The following ACOT11 variants were observed in gnomAD, a reference collection of about 807,000 sequenced individuals.
ACOT11 encodes the protein acyl-CoA thioesterase 11.
ACOT11 carries 69 observed loss-of-function variants against 77.5 expected under a neutral mutation model. The ratio of observed to expected loss-of-function variants is 0.89; its 90% CI spans 0.73 to 1.09. The LOEUF is 1.09. ACOT11 is among the 50% of genes least tolerant of loss of function. The pLI, the probability that ACOT11 is intolerant of heterozygous loss-of-function variation, is 0.00. For synonymous variants in ACOT11, 279 were observed against 313.0 expected, an observed-to-expected ratio of 0.89 and a Z score of 1.15; for missense variants, 766 against 813.7, an observed-to-expected ratio of 0.94 and a Z score of 0.71.
intron 15 of ACOT11, among the ~76,000 whole-genome samples, chr1:54,618,169 C>T (rs1249344077): frequency 6.6e-6 from 1 of 152,136 alleles, no homozygotes; most frequent in Non-Finnish European, 1.5e-5. Context: ...CTCAACTTTA[C>T]TATGGCACCT....
chr1:54,579,819 G>T lies in ACOT11; in HGVS notation c.34-4836G>T, dbSNP rs116743774. Among the ~76,000 whole-genome samples the T allele has an allele frequency of 2.6e-3, 398 of 152,302 alleles. 1 individual carries two copies. Among genetic ancestry groups the T allele is most frequent in the African/African-American group, 9.0e-3 (375 of 41,576 alleles). Reference sequence around the variant, plus strand: ...CCTGCTCCATAATCACTGGCTTTTTGAATTCTCACAGAACCTCTCAAACAA... The same window carrying T: ...CCTGCTCCATAATCACTGGCTTTTTTAATTCTCACAGAACCTCTCAAACAA... On this transcript the variant is annotated intron_variant, in intron 1 of 15. Transcript: ENST00000343744.
intron 16 of ACOT11, among the ~76,000 whole-genome samples, chr1:54,631,136 CT>C (rs1463342119): frequency 1.3e-5 from 2 of 152,160 alleles, no homozygotes; most frequent in African/African-American, 4.8e-5. Context: ...CCAGATCTTT[CT>C]TTTCCGGAGG....
intron 1 of ACOT11, among the ~76,000 whole-genome samples, chr1:54,564,794 G>A (rs1416789936): frequency 6.6e-6 from 1 of 152,172 alleles, no homozygotes; most frequent in Non-Finnish European, 1.5e-5. Context: ...ATAACATAGG[G>A]ATGTCGGGGT....
intron 15 of ACOT11, among the ~76,000 whole-genome samples, chr1:54,626,233 G>A (rs1644271807): frequency 6.6e-6 from 1 of 151,722 alleles, no homozygotes; most frequent in African/African-American, 2.4e-5. Context: ...TTGCACCATT[G>A]ACCACCAGCC....
intron 15 of ACOT11, among the ~76,000 whole-genome samples, chr1:54,625,538 T>G (rs1057387642): frequency 1.3e-5 from 2 of 152,138 alleles, no homozygotes; most frequent in African/African-American, 4.8e-5. Flanking sequence ...CCGCAAAAAG[T>G]TAACAGAATG....
At chr1:54,632,392 G>A (rs1429808989) in intron 16 of ACOT11, among the ~76,000 whole-genome samples, 1 of 152,236 alleles carries the variant, frequency 6.6e-6, no homozygotes, top group Non-Finnish European at 1.5e-5. Flanking sequence ...ACAGGAGTCT[G>A]TGGACCCTTG....
intron 1 of ACOT11, among the ~76,000 whole-genome samples, chr1:54,562,429 T>A (rs1183357385): frequency 5.3e-5 from 4 of 75,558 alleles, no homozygotes; most frequent in Non-Finnish European, 7.3e-5. Flanking sequence ...ACGGGGCGGC[T>A]GGCCGGGCGG....
intron 1 of ACOT11, among the ~76,000 whole-genome samples, chr1:54,562,553 C>G (rs1487746698): frequency 7.0e-6 from 1 of 141,958 alleles, no homozygotes; most frequent in Admixed American, 6.8e-5. Flanking sequence ...TGACCCACCC[C>G]CCACCTCCCT....
At chr1:54,620,021 C>CA (rs777716455) in intron 15 of ACOT11, 1 of 1,612,976 alleles carries the variant, frequency 6.2e-7, no homozygotes, top group South Asian at 1.1e-5. Context: ...GAAGGAATCC[C>CA]AAGGGGCTGT....
At chr1:54,617,413 C>T (rs1644184105) in intron 15 of ACOT11, among the ~76,000 whole-genome samples, 2 of 151,048 alleles carry the variant, frequency 1.3e-5, no homozygotes, top group South Asian at 2.1e-4. Context: ...TCTATAGAGC[C>T]GGCAAAGTGA....
intron 1 of ACOT11, chr1:54,582,531 A>G: frequency 1.0e-6 from 1 of 985,402 alleles, no homozygotes; most frequent in Non-Finnish European, 1.2e-6. Flanking sequence ...AGGGTCCAAC[A>G]GGAAGGTAGG....
At chr1:54,577,105 A>G (rs1355700357) in intron 1 of ACOT11, among the ~76,000 whole-genome samples, 1 of 152,212 alleles carries the variant, frequency 6.6e-6, no homozygotes, top group African/African-American at 2.4e-5. Context: ...TTTGCCAAAG[A>G]TGTTTTCTCT....
intron 6 of ACOT11, among the ~76,000 whole-genome samples, chr1:54,597,035 G>C (rs1459254409): frequency 6.6e-6 from 1 of 152,252 alleles, no homozygotes; most frequent in Non-Finnish European, 1.5e-5. Flanking sequence ...CTGAGGCTCA[G>C]ACCTGCTGTC....
chr1:54,599,625 C>CCAGGGG, intron 8 of ACOT11: 1 of 422,336 alleles, frequency 2.4e-6, no homozygotes, highest in Non-Finnish European at 3.7e-6. Flanking sequence ...CCACCCCTGG[C>CCAGGGG]TGGGTCAGGG....
chr1:54,601,272 G>A lies in ACOT11; in HGVS notation c.888G>A (p.Met296Ile). 1 of 1,610,758 alleles carries A rather than the reference G, an allele frequency of 6.2e-7. No homozygotes were observed. The highest frequency in any genetic ancestry group is 1.1e-5 in the South Asian group (1 of 91,046). The change falls in exon 9 of 16, where the codon ATG (methionine) becomes ATA (isoleucine). Residue 296 changes from methionine (M) to isoleucine (I), a missense_variant. Physicochemically the swap from Met to Ile is conservative, Grantham distance 10. Transcript: ENST00000343744. ...AIVNNAFKHS[M>I]EVGVCVEAYR... ...AAGCCACACTCCCTCCCCTCAGCAT[G>A]GAGGTGGGCGTGTGCGTGGAGGCCT...
chr1:54,550,019 T>C (rs536758534), intron 1 of ACOT11, among the ~76,000 whole-genome samples: 49 of 152,340 alleles, frequency 3.2e-4, no homozygotes, highest in African/African-American at 1.1e-3. Context: ...ATTTATGAAC[T>C]CATTCAGTTC....
At chr1:54,551,710 G>GTTTTGT (rs889985174) in intron 1 of ACOT11, among the ~76,000 whole-genome samples, 2 of 151,608 alleles carry the variant, frequency 1.3e-5, no homozygotes, top group Non-Finnish European at 2.9e-5. Context: ...GGCTGTTTTT[G>GTTTTGT]TTTTGTTTTT....
At chr1:54,562,073 G>A (rs1313043516) in intron 1 of ACOT11, among the ~76,000 whole-genome samples, 4 of 65,186 alleles carry the variant, frequency 6.1e-5, no homozygotes, top group Admixed American at 3.2e-4. Flanking sequence ...CGGACAGGGC[G>A]GCTGGCCGGG....
intron 15 of ACOT11, among the ~76,000 whole-genome samples, chr1:54,617,034 A>AAG (rs1195971435): frequency 6.6e-6 from 1 of 152,152 alleles, no homozygotes. Flanking sequence ...CCATGTTATC[A>AAG]AACTGCTTTC....
Sources: allele counts gnomAD v4.1 joint callset (sites outside exome capture counted in the v4.1 genomes callset), GRCh38; gene constraint gnomAD v4.1.1; transcripts MANE v1.5; gene names NCBI Gene and HGNC (gene_info 2026-07-23, HGNC 2026-07-21).